Variants in MATCAP2 observed in about 807,000 individuals in gnomAD.
MATCAP2 encodes putative tyrosine carboxypeptidase MATCAP2.
the MATCAP2 span, among the ~76,000 whole-genome samples, chr7:36,341,204 T>C: frequency 6.6e-6 from 1 of 152,154 alleles, no homozygotes; most frequent in Non-Finnish European, 1.5e-5. Context: ...CACCTGCACA[T>C]GGGTAACACT....
the MATCAP2 span, among the ~76,000 whole-genome samples, chr7:36,384,399 C>T: frequency 6.6e-6 from 1 of 152,120 alleles, no homozygotes; most frequent in Non-Finnish European, 1.5e-5. Context: ...AGGCCAATCC[C>T]TTAGCCTCTA....
chr7:36,371,068 C>T, the MATCAP2 span, among the ~76,000 whole-genome samples: 6 of 151,982 alleles, frequency 3.9e-5, no homozygotes, highest in Non-Finnish European at 8.8e-5. Context: ...TTATTTGTAG[C>T]AGGATTGTTA....
At chr7:36,336,349 A>C in the MATCAP2 span, 1 of 1,295,930 alleles carries the variant, frequency 7.7e-7, no homozygotes. Flanking sequence ...TTACTTTGAG[A>C]TGTCATAAGC....
chr7:36,360,082 T>C, the MATCAP2 span, among the ~76,000 whole-genome samples: 1 of 152,098 alleles, frequency 6.6e-6, no homozygotes, highest in Non-Finnish European at 1.5e-5. Context: ...CAAATTAAAA[T>C]CAATAAATAA....
chr7:36,379,841 CACACACAGAGAGAGAGAG>C, the MATCAP2 span, among the ~76,000 whole-genome samples: 2 of 127,490 alleles, frequency 1.6e-5, no homozygotes, highest in African/African-American at 5.4e-5. Context: ...CACACACACA[CACACACAGAGAGAGAGAG>C]AGAGAGAGAG....
the MATCAP2 span, among the ~76,000 whole-genome samples, chr7:36,351,684 T>C: frequency 3.3e-5 from 5 of 152,062 alleles, no homozygotes; most frequent in East Asian, 3.9e-4. Context: ...TCGTGGCTCA[T>C]GCCTGTAATC....
chr7:36,334,199 C>A, the MATCAP2 span: 1 of 1,497,742 alleles, frequency 6.7e-7, no homozygotes, highest in Non-Finnish European at 9.1e-7. Flanking sequence ...AAAAGAAATG[C>A]CATTCTTGTT....
the MATCAP2 span, among the ~76,000 whole-genome samples, chr7:36,328,248 G>GGC: frequency 8.3e-6 from 1 of 120,004 alleles, no homozygotes; most frequent in African/African-American, 3.0e-5. Context: ...GTAGGGGGGG[G>GGC]GGGTCTTGCT....
chr7:36,344,083 T>G, the MATCAP2 span, among the ~76,000 whole-genome samples: 7 of 152,158 alleles, frequency 4.6e-5, no homozygotes, highest in Non-Finnish European at 7.4e-5. Context: ...GGTAAGTTAA[T>G]AAGAAGAGAA....
the MATCAP2 span, among the ~76,000 whole-genome samples, chr7:36,374,355 T>C: frequency 6.6e-6 from 1 of 152,050 alleles, no homozygotes; most frequent in Non-Finnish European, 1.5e-5. Flanking sequence ...GCTGGGATTA[T>C]AGGCATGATC....
the MATCAP2 span, among the ~76,000 whole-genome samples, chr7:36,370,952 G>C: frequency 6.6e-6 from 1 of 152,064 alleles, no homozygotes; most frequent in Non-Finnish European, 1.5e-5. Flanking sequence ...TAGAAGCATT[G>C]TATTGTGGAA....
the MATCAP2 span, among the ~76,000 whole-genome samples, chr7:36,383,472 AC>A: frequency 2.0e-5 from 3 of 152,244 alleles, no homozygotes; most frequent in Non-Finnish European, 4.4e-5. Context: ...AGCATGGAAT[AC>A]TATGCAGCCA....
chr7:36,330,926 TGAGGG>T, the MATCAP2 span: 1 of 986,326 alleles, frequency 1.0e-6, no homozygotes, highest in Non-Finnish European at 1.6e-6. Flanking sequence ...TAAGCTTGAG[TGAGGG>T]GAATGCTGAT....
chr7:36,336,316 T>G, the MATCAP2 span: 4 of 1,482,902 alleles, frequency 2.7e-6, no homozygotes, highest in Admixed American at 4.0e-5. Context: ...GAAAGAGAGA[T>G]AATGAAAGTA....
chr7:36,339,393 G>A, the MATCAP2 span, among the ~76,000 whole-genome samples: 2 of 152,206 alleles, frequency 1.3e-5, no homozygotes. Flanking sequence ...TCAAAGTATA[G>A]TCTGAAGGCC....
At chr7:36,389,753 C>T in the MATCAP2 span, 3 of 422,286 alleles carry the variant, frequency 7.1e-6, no homozygotes, top group Non-Finnish European at 8.1e-6. Context: ...CCCGGCCCGG[C>T]GCGGCCACGT....
the MATCAP2 span, among the ~76,000 whole-genome samples, chr7:36,386,443 G>A: frequency 7.3e-6 from 1 of 137,486 alleles, no homozygotes; most frequent in Non-Finnish European, 1.5e-5. Context: ...ATGTGTATGT[G>A]TGTATGTGTG....
At chr7:36,335,728 C>T in the MATCAP2 span, among the ~76,000 whole-genome samples, 106 of 152,248 alleles carry the variant, frequency 7.0e-4, no homozygotes, top group East Asian at 8.3e-3. Context: ...GAAATCTGGG[C>T]GACTAATTTA....
the MATCAP2 span, among the ~76,000 whole-genome samples, chr7:36,327,719 T>C: frequency 6.6e-6 from 1 of 152,250 alleles, no homozygotes; most frequent in Non-Finnish European, 1.5e-5. Context: ...CACGTGATGC[T>C]CACAGAAAAT....
Sources: gnomAD v4.1 joint callset for allele counts (sites outside exome capture counted in the v4.1 genomes callset) on GRCh38, gnomAD v4.1.1 for gene constraint, MANE v1.5 for transcripts, NCBI Gene and HGNC (gene_info 2026-07-23, HGNC 2026-07-21) for gene names.